CHD8: variants seen among roughly 807,000 people sequenced by gnomAD.
CHD8 encodes the protein ATP-dependent chromatin remodeler CHD8.
CHD8 carries 31 observed loss-of-function variants against 279.2 expected under a neutral mutation model. That is an observed-to-expected ratio of 0.11 (90% CI 0.08 to 0.15). CHD8 has a LOEUF of 0.15. Ranked by LOEUF, CHD8 falls within the 10% of genes least tolerant of loss-of-function variation. The pLI, the probability that CHD8 is intolerant of heterozygous loss-of-function variation, is 1.00. For synonymous variants in CHD8, 1,081 were observed against 1,139.6 expected (o/e 0.95, Z 1.04); for missense variants, 2,146 against 3,230.5 (o/e 0.66, Z 8.14).
intron 5 of CHD8, among the ~76,000 whole-genome samples, chr14:21,423,037 C>T (rs2139519042): frequency 6.6e-6 from 1 of 152,190 alleles, no homozygotes; most frequent in East Asian, 1.9e-4. Flanking sequence ...GCCAGGCCAA[C>T]ATGGCGAAAC....
At chr14:21,434,386 C>T (rs1262451152) in intron 1 of CHD8, among the ~76,000 whole-genome samples, 2 of 152,138 alleles carry the variant, frequency 1.3e-5, no homozygotes, top group Non-Finnish European at 1.5e-5. Context: ...TAGTTTATAG[C>T]CTGCTCCTTA....
chr14:21,404,376 C>T (rs1406270456), intron 16 of CHD8, among the ~76,000 whole-genome samples: 3 of 132,932 alleles, frequency 2.3e-5, no homozygotes, highest in South Asian at 2.3e-4. Context: ...CCAGCCTGGG[C>T]GACAATAGTG....
Position 21,428,334 on chromosome 14 carries a change from G to C in CHD8, c.1216-80C>G, listed in dbSNP as rs1421710335. 6.9e-6 allele frequency: 9 copies of C among 1,299,226 alleles called. No homozygotes were observed. In the Admixed American group the frequency reaches 1.5e-4, roughly 21 times the overall value. 80.5% of individuals were successfully genotyped at this position (1,299,226 alleles called of 1,614,324 possible). ...TAAAATCCAGCTCTGAAGCAGGGGGGCTAGAAACTAGTTCTTTAATCCCTC... is the reference window on the plus strand; with the variant it reads ...TAAAATCCAGCTCTGAAGCAGGGGGCCTAGAAACTAGTTCTTTAATCCCTC... On this transcript the variant is annotated intron_variant, in intron 3 of 37. Transcript: ENST00000646647.
chr14:21,408,378 C>T lies in CHD8; in HGVS notation c.2664G>A (p.Val888=), dbSNP rs760687858. Residue 888 remains valine, a synonymous_variant, in exon 13 of 38, where the codon GTG becomes GTA. Transcript: ENST00000646647. This position sits in a 1 kb window ranked among gnomAD's most constrained non-coding sequence, Gnocchi z 4.3. ...FNTWTEMNTI[V]YHGSLASRQM... ...GCCTGCTGGCCAGACTGCCATGGTA[C>T]ACAATAGTGTTCATTTCTGTCCATG... 1 of 1,613,944 alleles carries T rather than the reference C, an allele frequency of 6.2e-7. No homozygotes were observed. The highest frequency in any genetic ancestry group is 1.1e-5 in the South Asian group (1 of 91,088).
At chr14:21,418,611 C>T (rs942253628) in intron 5 of CHD8, among the ~76,000 whole-genome samples, 3 of 152,118 alleles carry the variant, frequency 2.0e-5, no homozygotes, top group African/African-American at 2.4e-5. Context: ...GTCAGGAGAT[C>T]GAGACCATCC....
chr14:21,392,848 G>C (rs1166999049), intron 33 of CHD8, 39 bp from the exon 34 acceptor site: 1 of 1,588,698 alleles, frequency 6.3e-7, no homozygotes, highest in East Asian at 2.2e-5. Context: ...TTAAGAGTCT[G>C]AGTACTAGCT....
intron 1 of CHD8, among the ~76,000 whole-genome samples, chr14:21,444,136 C>T (rs1890057070): frequency 6.6e-6 from 1 of 152,176 alleles, no homozygotes; most frequent in South Asian, 2.1e-4. Context: ...CTAGCTCATT[C>T]CTCTACATAA....
At chr14:21,415,683 C>T (rs2139499509) in intron 6 of CHD8, 41 bp from the exon 7 acceptor site, 2 of 1,612,094 alleles carry the variant, frequency 1.2e-6, no homozygotes, top group Non-Finnish European at 1.7e-6. Context: ...TGATTGTGAC[C>T]AGCAAGGCAA....
chr14:21,400,189 A>G lies in CHD8; in HGVS notation c.4689T>C (p.Asp1563=). 1.2e-6 allele frequency: 2 copies of G among 1,613,910 alleles called. No individual in the cohort carries two copies. Among genetic ancestry groups the G allele is most frequent in the Non-Finnish European group, 1.7e-6 (2 of 1,179,868 alleles). Residue 1563 remains aspartate, a synonymous_variant, in exon 24 of 38, where the codon GAT becomes GAC. Transcript: ENST00000646647. The surrounding 1 kb of genome is among the most constrained non-coding windows in gnomAD (Gnocchi z 4.2). ...RKYNPDTLFQ[D]ESYKKHLKHQ... is the part of the protein sequence containing the mutation. ...GTTTCAAGTGCTTCTTATAACTTTC[A>G]TCTTGGAACAAAGTGTCAGGGTTAT...
At chr14:21,392,341 AAAC>A in intron 34 of CHD8, 163 bp downstream of exon 34, 1 of 799,772 alleles carries the variant, frequency 1.3e-6, no homozygotes, top group Non-Finnish European at 2.0e-6. Context: ...TCAATAAGGA[AAAC>A]AACCAGGAAA....
rs1444655872 is a variant in CHD8 at position 21,393,140 on chromosome 14, A to G, written c.6434T>C (p.Leu2145Pro). 1 of 1,613,976 alleles carries G rather than the reference A, an allele frequency of 6.2e-7. No homozygotes were observed. The highest frequency in any genetic ancestry group is 1.1e-5 in the South Asian group (1 of 91,078). The part of the protein sequence containing the change: ...GEQMTPELLL[L>P]QERQRASEWP... ...CTCAGAGGCTCTTTGTCTTTCCTGC[A>G]GTAGCAGAAGCTCAGGGGTCATTTG... Residue 2145 changes from leucine (L) to proline (P), a missense_variant, in exon 33 of 38, where the codon CTG becomes CCG. Physicochemically the swap from Leu to Pro is moderately conservative, Grantham distance 98. Around this residue, in one of 26 missense-constraint regions of CHD8, gnomAD observed 513 missense variants for 637.6 expected, o/e 0.80. Coordinates refer to ENST00000646647, the MANE Select transcript of CHD8 (RefSeq NM_001170629.2).
At position 21,400,304 on chromosome 14, in the gene CHD8, A is replaced by G; in HGVS notation, c.4574T>C (p.Leu1525Pro). ...GCGTCCACGAGGCACAGGGATAGAT[A>G]GACCTGGGAAAGGGGAGACATCAAA... ...KTKELQNHSG[L>P]SIPVPRGRKG... is the part of the protein sequence containing the mutation. Residue 1525 changes from leucine (L) to proline (P), a missense_variant, in exon 24 of 38, where the codon CTA becomes CCA. Leu to Pro is a moderately conservative substitution (Grantham distance 98, BLOSUM62 -3). Transcript: ENST00000646647. The surrounding 1 kb of genome is among the most constrained non-coding windows in gnomAD (Gnocchi z 4.2). 6.2e-7 allele frequency: 1 copy of G among 1,613,880 alleles called. No individual in the cohort carries two copies. Among genetic ancestry groups the G allele is most frequent in the Non-Finnish European group, 8.5e-7 (1 of 1,179,864 alleles).
intron 4 of CHD8, chr14:21,427,060 T>G (rs1889350384): frequency 6.6e-6 from 1 of 152,302 alleles, no homozygotes; most frequent in Non-Finnish European, 1.5e-5. Flanking sequence ...ATCTTTCCTG[T>G]GCCTTCGTGT....
At chr14:21,387,601 T>A (rs1247605209) in intron 37 of CHD8, among the ~76,000 whole-genome samples, 1 of 133,522 alleles carries the variant, frequency 7.5e-6, no homozygotes, top group African/African-American at 2.9e-5. Flanking sequence ...GGCATTGTAC[T>A]CCATCCAGCC....
At chr14:21,438,963 C>T (rs866461938) in intron 1 of CHD8, among the ~76,000 whole-genome samples, 1 of 152,068 alleles carries the variant, frequency 6.6e-6, no homozygotes, top group African/African-American at 2.4e-5. Flanking sequence ...CCCATCTCTA[C>T]TAAAAATACA....
intron 37 of CHD8, 125 bp from the exon 38 acceptor site, chr14:21,386,301 G>A: frequency 1.2e-6 from 1 of 861,304 alleles, no homozygotes; most frequent in Non-Finnish European, 1.7e-6. Flanking sequence ...GGCAAAACAA[G>A]CACAGCGATA....
intron 21 of CHD8, 95 bp from the exon 22 acceptor site, chr14:21,401,166 C>T (rs1399986711): frequency 1.0e-5 from 10 of 984,644 alleles, no homozygotes; most frequent in African/African-American, 1.7e-5. Flanking sequence ...TTGGATGTAA[C>T]GTGTAGATAC....
At position 21,414,671 on chromosome 14, in the gene CHD8, T is replaced by C. The variant is rs144692023; in HGVS notation, c.2025-253A>G. On this transcript the variant is annotated intron_variant, in intron 8 of 37. Coordinates refer to ENST00000646647, the MANE Select transcript of CHD8 (RefSeq NM_001170629.2). ...GCTGATCCATGGGCCATATTTTGAG[T>C]AGCAAGATCTTAGTGCTAAACTAAG... 838 of 592,160 alleles carry C rather than the reference T, an allele frequency of 1.4e-3. 9 individuals are homozygous for C. Among genetic ancestry groups the C allele is most frequent in the African/African-American group, 0.014 (753 of 53,650 alleles). The allele number at this position is 592,160 out of a possible 1,614,324, so 36.7% of individuals were successfully genotyped here. A position where few individuals can be genotyped will look rare whatever the true frequency, so the allele number is the denominator to read the frequency against.
rs1413918694 is a variant in CHD8, at chr14:21,395,134, G to A, written c.5183-15C>T. On this transcript the variant is annotated splice_polypyrimidine_tract_variant and intron_variant, in intron 29 of 37. Coordinates refer to ENST00000646647, the MANE Select transcript of CHD8 (RefSeq NM_001170629.2). ...GGTCACCTGGGCTGTGGAAAACAAA[G>A]TAGAATGAATAGGAAGTATAGCAAG... The A allele has an allele frequency of 2.5e-6, 4 of 1,610,410 alleles. No homozygotes were observed. Among genetic ancestry groups the A allele is most frequent in the East Asian group, 2.2e-5 (1 of 44,790 alleles).
Sources: allele counts gnomAD v4.1 joint callset (sites outside exome capture counted in the v4.1 genomes callset), GRCh38; gene constraint gnomAD v4.1.1; regional missense constraint gnomAD v4.1.1; non-coding constraint Gnocchi (gnomAD v3.1); transcripts MANE v1.5; gene names NCBI Gene and HGNC (gene_info 2026-07-23, HGNC 2026-07-21).